IREB2: variants seen among roughly 807,000 people sequenced by gnomAD.
IREB2 encodes iron-responsive element-binding protein 2.
In IREB2, 39 loss-of-function variants were observed where a neutral mutation model predicts 118.8. The observed-to-expected ratio is 0.33, with a 90% CI of 0.25 to 0.43. The LOEUF is 0.43. Ranked by LOEUF, IREB2 falls within the 20% of genes least tolerant of loss-of-function variation. IREB2 has a pLI of 1.00. For missense variants in IREB2, 900 were observed against 1,147.3 expected (o/e 0.78, Z 3.11); for synonymous variants, 372 against 392.2 (o/e 0.95, Z 0.61).
upstream of IREB2, chr15:78,438,091 C>A (rs971671456): frequency 2.0e-6 from 1 of 501,806 alleles, no homozygotes; most frequent in Non-Finnish European, 3.6e-6. Flanking sequence ...CGAGAAATCG[C>A]TTTCTGGTTA....
At chr15:78,495,238 G>A (rs8026308) in intron 20 of IREB2, among the ~76,000 whole-genome samples, 142,243 of 152,230 alleles carry the variant, frequency 0.93, 67,224 homozygotes, top group South Asian at 1. Context: ...CTGAGGGGCT[G>A]TGGGAATAAA....
At chr15:78,490,172 G>A (rs1341772809) in intron 16 of IREB2, among the ~76,000 whole-genome samples, 5 of 152,006 alleles carry the variant, frequency 3.3e-5, no homozygotes, top group African/African-American at 1.2e-4. Flanking sequence ...CAACCCTCAG[G>A]GAGGCCAAGG....
At chr15:78,493,167 G>T (rs1307480956) in intron 18 of IREB2, among the ~76,000 whole-genome samples, 1 of 151,826 alleles carries the variant, frequency 6.6e-6, no homozygotes, top group Non-Finnish European at 1.5e-5. Flanking sequence ...AACACAATGT[G>T]GGTACAGAAA....
chr15:78,496,977 G>T, intron 20 of IREB2, 149 bp from the exon 21 acceptor site: 1 of 623,440 alleles, frequency 1.6e-6, no homozygotes, highest in African/African-American at 1.8e-5. Context: ...AGAAGGTTCT[G>T]TAAATACTTT....
Position 78,497,661 on chromosome 15 carries a change from G to A in IREB2, c.2781+350G>A, listed in dbSNP as rs560607489. On this transcript the variant is annotated intron_variant, in intron 21 of 21. Coordinates refer to ENST00000258886, the MANE Select transcript of IREB2 (RefSeq NM_004136.4). ...CACTCCAAAGAGAGCAAAGTTGAGC[G>A]TTCAAAGTTAGAGCAAAACAGACTT... is the stretch of plus-strand genomic sequence containing the variant. 6.6e-5 allele frequency among the ~76,000 whole-genome samples: 10 copies of A among 152,196 alleles called. No individual in the cohort carries two copies. In the South Asian group the frequency reaches 1.0e-3, roughly 16 times the overall value.
rs1176354606 is a variant in IREB2, at chr15:78,494,118, T to G, written c.2473-24T>G. ...CTGGATCAAAATTTGTATTAAAAAATTTTGTGTTTGTTTTAATCTACAGCT... is the reference window on the plus strand; with the variant it reads ...CTGGATCAAAATTTGTATTAAAAAAGTTTGTGTTTGTTTTAATCTACAGCT... On this transcript the variant is annotated intron_variant, in intron 19 of 21. Transcript: ENST00000258886. The G allele has an allele frequency of 2.5e-6, 4 of 1,612,624 alleles. No individual in the cohort carries two copies. In the African/African-American group the frequency reaches 5.4e-5, roughly 22 times the overall value.
intron 10 of IREB2, among the ~76,000 whole-genome samples, 185 bp from the exon 11 acceptor site, chr15:78,483,133 C>A (rs951443982): frequency 5.9e-5 from 9 of 152,128 alleles, no homozygotes; most frequent in Non-Finnish European, 1.5e-5. Context: ...ATGTTTCGTA[C>A]ATTTAAATGT....
intron 2 of IREB2, among the ~76,000 whole-genome samples, chr15:78,450,870 GTGTA>G (rs1235998457): frequency 6.3e-5 from 8 of 126,210 alleles, no homozygotes; most frequent in African/African-American, 2.4e-4. Flanking sequence ...GTGTGTGTGT[GTGTA>G]TTTTAATATA....
intron 5 of IREB2, among the ~76,000 whole-genome samples, chr15:78,467,772 A>G (rs762714520): frequency 9.9e-5 from 15 of 152,196 alleles, no homozygotes; most frequent in African/African-American, 3.6e-4. Context: ...TTATTTTTAG[A>G]GACAAGGTCT....
At chr15:78,497,059 C>G in intron 20 of IREB2, 67 bp from the exon 21 acceptor site, 7 of 1,241,346 alleles carry the variant, frequency 5.6e-6, no homozygotes, top group Middle Eastern at 1.9e-4. Context: ...GATTTTTGCC[C>G]CCTTTAAATG....
Position 78,490,744 on chromosome 15 carries a change from G to A in IREB2, c.2307G>A (p.Lys769=), listed in dbSNP as rs1391039251. 1.2e-6 allele frequency: 2 copies of A among 1,614,100 alleles called. No homozygotes were observed. The highest frequency in any genetic ancestry group is 2.2e-5 in the South Asian group (2 of 91,076). ...TCGCTAGGAATAGTGCTGCCGCTAA[G>A]TATTTGACAAACAGAGGGTATGTGT... is the stretch of plus-strand genomic sequence containing the variant. ...GSIARNSAAA[K]YLTNRGLTPR... is the part of the protein sequence containing the mutation. Residue 769 remains lysine, a synonymous_variant, in exon 18 of 22, where the codon AAG becomes AAA. Transcript: ENST00000258886.
intron 2 of IREB2, among the ~76,000 whole-genome samples, chr15:78,449,550 C>G (rs192402433): frequency 8.2e-4 from 125 of 152,316 alleles, no homozygotes; most frequent in African/African-American, 2.9e-3. Flanking sequence ...GTAAAGTTTT[C>G]TGATTGAAAG....
chr15:78,493,296 C>T (rs1369332957), intron 18 of IREB2, among the ~76,000 whole-genome samples: 1 of 152,064 alleles, frequency 6.6e-6, no homozygotes, highest in Non-Finnish European at 1.5e-5. Context: ...CATGTATACC[C>T]AAATCCACAC....
At chr15:78,439,913 T>G in intron 2 of IREB2, 32 bp downstream of exon 2, 1 of 1,308,656 alleles carries the variant, frequency 7.6e-7, no homozygotes, top group Non-Finnish European at 1.1e-6. Flanking sequence ...TTGGGTTTGT[T>G]TAGTCTCTAA....
chr15:78,445,334 C>T (rs1000845989), intron 2 of IREB2, among the ~76,000 whole-genome samples: 10 of 152,126 alleles, frequency 6.6e-5, no homozygotes, highest in African/African-American at 1.7e-4. Flanking sequence ...GACAGGGTTT[C>T]GCCATGCTGG....
chr15:78,456,124 C>G (rs936660606), intron 2 of IREB2, among the ~76,000 whole-genome samples: 1 of 152,100 alleles, frequency 6.6e-6, no homozygotes, highest in African/African-American at 2.4e-5. Flanking sequence ...TAGAGTCAGA[C>G]AAGCAGAACT....
chr15:78,465,948 C>T (rs528174626), intron 4 of IREB2, among the ~76,000 whole-genome samples: 6 of 152,232 alleles, frequency 3.9e-5, no homozygotes, highest in Admixed American at 6.5e-5. Context: ...TAAACTGTAG[C>T]TCTAAATTTC....
chr15:78,497,264 T>A lies in IREB2; in HGVS notation c.2734T>A (p.Leu912Ile), dbSNP rs778745770. Residue 912 changes from leucine to isoleucine, a missense_variant, in exon 21 of 22, where the codon TTA becomes ATA. By Grantham distance (5) the Leu-to-Ile change is conservative. Transcript: ENST00000258886. ...CCTCTCCGGTAGAGAAACATTTTCT[T>A]TAACATTTCCTGAAGAACTGTCTCC... The part of the protein sequence containing the change: ...LGLSGRETFS[L>I]TFPEELSPGI... The A allele has an allele frequency of 3.1e-6, 5 of 1,613,966 alleles. No individual in the cohort carries two copies. Among genetic ancestry groups the A allele is most frequent in the Non-Finnish European group, 4.2e-6 (5 of 1,179,824 alleles).
chr15:78,492,565 G>A (rs1273158923), intron 18 of IREB2, among the ~76,000 whole-genome samples: 1 of 151,714 alleles, frequency 6.6e-6, no homozygotes. Flanking sequence ...TTTGTCATTT[G>A]TTTGTTTGTT....
Sources: allele counts gnomAD v4.1 joint callset (sites outside exome capture counted in the v4.1 genomes callset), GRCh38; gene constraint gnomAD v4.1.1; transcripts MANE v1.5; gene names NCBI Gene and HGNC (gene_info 2026-07-23, HGNC 2026-07-21).